The following PDE6A variants were observed in gnomAD, a reference collection of about 807,000 sequenced individuals.
PDE6A encodes rod cGMP-specific 3',5'-cyclic phosphodiesterase subunit alpha.
In PDE6A, 84 loss-of-function variants were observed where a neutral mutation model predicts 106.3. The observed-to-expected ratio is 0.79, with a 90% confidence interval of 0.66 to 0.95. The LOEUF (loss-of-function observed/expected upper bound fraction) is 0.95, where lower values mean the gene tolerates loss of function less well. Among genes scored for constraint, PDE6A ranks in the 40% least tolerant of loss-of-function variants. The pLI is 0.00. For missense variants in PDE6A, 1,052 were observed against 1,084.9 expected, an observed-to-expected ratio of 0.97 and a Z score of 0.43; for synonymous variants, 394 against 386.6, an observed-to-expected ratio of 1.02 and a Z score of -0.23.
At position 149,884,511 on chromosome 5, in the gene PDE6A, T is replaced by G. The variant is rs762633994; in HGVS notation, c.1995A>C (p.Ala665=). The G allele has an allele frequency of 6.2e-7, 1 of 1,613,596 alleles. No individual in the cohort carries two copies. The highest frequency in any genetic ancestry group is 8.5e-7 in the Non-Finnish European group (1 of 1,179,554). Residue 665 remains alanine, a synonymous_variant, in exon 16 of 22, where the codon GCA becomes GCC. Transcript: ENST00000255266. ...ACAGGGCGAGGTCTGTGGCAATGAT[T>G]GCAATGTCCATCATGTGGATGGCAT... ...HEHAIHMMDI[A]IIATDLALYF... is the part of the protein sequence containing the mutation.
At position 149,907,299 on chromosome 5, in the gene PDE6A, TTA is replaced by T; in HGVS notation, c.1065+11_1065+12del. ...GATCCAAAACTCTCCCCCTTCAAAG[TTA>T]TATTACTTACCAGGCCATTCTGGGC... On this transcript the variant is annotated intron_variant, in intron 7 of 21. Coordinates refer to ENST00000255266, the MANE Select transcript of PDE6A (RefSeq NM_000440.3). 1 of 1,599,898 alleles carries T rather than the reference TTA, an allele frequency of 6.3e-7. No homozygotes were observed. Among genetic ancestry groups the T allele is most frequent in the Non-Finnish European group, 8.6e-7 (1 of 1,167,098 alleles).
Position 149,901,267 on chromosome 5 carries a change from G to A in PDE6A, c.1114-1743C>T, listed in dbSNP as rs987268074. ...TCAGGGGCTGGGCGCAGTGGCTCACGCCTGTAATCCCAGCACTTTGGGAGG... is the reference window on the plus strand; with the variant it reads ...TCAGGGGCTGGGCGCAGTGGCTCACACCTGTAATCCCAGCACTTTGGGAGG... On this transcript the variant is annotated intron_variant, in intron 8 of 21. Coordinates refer to ENST00000255266, the MANE Select transcript of PDE6A (RefSeq NM_000440.3). Among the ~76,000 whole-genome samples, 23 of 152,218 alleles carry A rather than the reference G, an allele frequency of 1.5e-4. No individual in the cohort carries two copies. The East Asian group carries it at 2.7e-3, about 18-fold the overall frequency.
intron 19 of PDE6A, chr5:149,866,456 C>A: frequency 5.4e-5 from 28 of 517,394 alleles, no homozygotes; most frequent in Middle Eastern, 5.3e-4. Flanking sequence ...TGGGAAACTG[C>A]ACAAAAAAAA....
intron 1 of PDE6A, among the ~76,000 whole-genome samples, chr5:149,937,538 C>T (rs1167992214): frequency 2.0e-5 from 3 of 152,024 alleles, no homozygotes; most frequent in Non-Finnish European, 2.9e-5. Context: ...CCACCATGCC[C>T]GACTAATTTT....
rs532861991 is a variant in PDE6A at position 149,859,005 on chromosome 5, A to C, written c.*1890T>G. The C allele has an allele frequency of 6.6e-6, 1 of 151,738 alleles. No homozygotes were observed. Among genetic ancestry groups the C allele is most frequent in the East Asian group, 2.0e-4 (1 of 5,118 alleles). 9.4% of individuals were successfully genotyped at this position (151,738 alleles called of 1,614,324 possible). A position where few individuals can be genotyped will look rare whatever the true frequency, so the allele number is the denominator to read the frequency against. On this transcript the variant is annotated 3_prime_UTR_variant, in exon 22 of 22. Transcript: ENST00000255266. Reference sequence around the variant, plus strand: ...ACACCCAGCTAATTTTTGTATTTTTAGTAGAGATGGGGTTTCACCATGTTG... The same window carrying C: ...ACACCCAGCTAATTTTTGTATTTTTCGTAGAGATGGGGTTTCACCATGTTG...
intron 4 of PDE6A, among the ~76,000 whole-genome samples, chr5:149,930,074 TA>T (rs1753987378): frequency 6.6e-6 from 1 of 152,170 alleles, no homozygotes; most frequent in African/African-American, 2.4e-5. Flanking sequence ...TGTTTCAATA[TA>T]AAGGCTCATT....
At chr5:149,905,691 G>A (rs1488186958) in intron 7 of PDE6A, among the ~76,000 whole-genome samples, 2 of 152,136 alleles carry the variant, frequency 1.3e-5, no homozygotes, top group Non-Finnish European at 2.9e-5. Flanking sequence ...CTGACTCATG[G>A]TAAGCACCCA....
intron 1 of PDE6A, among the ~76,000 whole-genome samples, chr5:149,936,158 AAAGGAAGGAAGGAAGGAAGG>A (rs151028032): frequency 7.7e-6 from 1 of 130,634 alleles, no homozygotes; most frequent in African/African-American, 3.2e-5. Flanking sequence ...TGTCTCTAAA[AAAGGAAGGAAGGAAGGAAGG>A]AAGGAAGGAA....
At position 149,886,418 on chromosome 5, in the gene PDE6A, G is replaced by T. The variant is rs778045905; in HGVS notation, c.1729-44C>A. ...TGCAAATCATTCCTTTTGTGTAGGGGCTGGAAGCAGGGCTGAAAAGGCGGG... is the reference window on the plus strand; with the variant it reads ...TGCAAATCATTCCTTTTGTGTAGGGTCTGGAAGCAGGGCTGAAAAGGCGGG... On this transcript the variant is annotated intron_variant, in intron 13 of 21. Coordinates refer to ENST00000255266, the MANE Select transcript of PDE6A (RefSeq NM_000440.3). 4.1e-6 allele frequency: 6 copies of T among 1,457,728 alleles called. No homozygotes were observed. The Admixed American group carries it at 1.0e-4, about 25-fold the overall frequency. The allele number at this position is 1,457,728 out of a possible 1,614,324, so 90.3% of individuals were successfully genotyped here. A position where few individuals can be genotyped will look rare whatever the true frequency, so the allele number is the denominator to read the frequency against.
In PDE6A at chr5:149,944,355, C is replaced by A; in HGVS notation, c.319G>T (p.Glu107Ter). The change falls in exon 1 of 22, where the codon GAG (glutamate) becomes TAG (stop). Residue 107 changes from glutamate to a stop codon, truncating the protein, a stop_gained. Coordinates refer to ENST00000255266, the MANE Select transcript of PDE6A (RefSeq NM_000440.3). LOFTEE classifies it high-confidence loss of function. ...FMYRTRNGIAELATRLFNVHK... is the reference protein window; with the variant it reads ...FMYRTRNGIA ...ACATTGAAAAGCCTGGTGGCCAGCT[C>A]TGCGATGCCATTGCGGGTCCGGTAC... The A allele has an allele frequency of 1.2e-6, 2 of 1,614,140 alleles. No homozygotes were observed. Among genetic ancestry groups the A allele is most frequent in the South Asian group, 2.2e-5 (2 of 91,072 alleles).
intron 5 of PDE6A, among the ~76,000 whole-genome samples, chr5:149,917,664 G>C (rs917954324): frequency 1.3e-5 from 2 of 152,150 alleles, no homozygotes; most frequent in African/African-American, 2.4e-5. Context: ...GCATCCAAGG[G>C]GAGACTAGAT....
intron 11 of PDE6A, 49 bp from the exon 12 acceptor site, chr5:149,896,551 G>A (rs757311626): frequency 6.2e-7 from 1 of 1,614,000 alleles, no homozygotes; most frequent in South Asian, 1.1e-5. Context: ...AGTGTTTCTG[G>A]GTGCCCACCT....
chr5:149,875,920 T>TC (rs1760722125), intron 17 of PDE6A, among the ~76,000 whole-genome samples: 1 of 152,114 alleles, frequency 6.6e-6, no homozygotes, highest in African/African-American at 2.4e-5. Flanking sequence ...CCACTTGACT[T>TC]CCCCACAGAA....
At chr5:149,927,256 C>G (rs143253240) in intron 4 of PDE6A, among the ~76,000 whole-genome samples, 238 of 152,128 alleles carry the variant, frequency 1.6e-3, no homozygotes, top group African/African-American at 5.5e-3. Context: ...ATGAATGGAG[C>G]CTGCGGGACT....
At chr5:149,881,599 G>A (rs1381394945) in intron 17 of PDE6A, among the ~76,000 whole-genome samples, 1 of 152,158 alleles carries the variant, frequency 6.6e-6, no homozygotes, top group African/African-American at 2.4e-5. Context: ...CTACACAAGG[G>A]GAGACGGAGG....
In PDE6A at chr5:149,867,589, AT is replaced by A. The variant is rs902678426; in HGVS notation, c.2274+135del. 8.6e-6 allele frequency: 7 copies of A among 810,540 alleles called. No homozygotes were observed. In the African/African-American group the frequency reaches 1.0e-4, roughly 12 times the overall value. The allele number at this position is 810,540 out of a possible 1,614,324, so 50.2% of individuals were successfully genotyped here. A position where few individuals can be genotyped will look rare whatever the true frequency, so the allele number is the denominator to read the frequency against. On this transcript the variant is annotated intron_variant, in intron 19 of 21. Coordinates refer to ENST00000255266, the MANE Select transcript of PDE6A (RefSeq NM_000440.3). ...AGGTTGACAGTGGCCTGGAGACCAC[AT>A]TTTTAGAACCACTGCATTAGGAAAA...
chr5:149,940,100 T>C (rs1754288631), intron 1 of PDE6A: 1 of 152,260 alleles, frequency 6.6e-6, no homozygotes, highest in South Asian at 2.1e-4. Context: ...TGTGATCAAT[T>C]AGTTATAAAC....
intron 5 of PDE6A, among the ~76,000 whole-genome samples, chr5:149,918,665 G>A (rs188680194): frequency 7.9e-5 from 12 of 152,168 alleles, no homozygotes; most frequent in African/African-American, 2.6e-4. Context: ...AGGCTGGAGT[G>A]CAGTGGCACA....
intron 1 of PDE6A, chr5:149,940,262 G>T (rs914670840): frequency 6.6e-6 from 1 of 152,210 alleles, no homozygotes; most frequent in Non-Finnish European, 1.5e-5. Context: ...AACGAGTGAG[G>T]CAATCCTTGT....
Sources: allele counts gnomAD v4.1 joint callset (sites outside exome capture counted in the v4.1 genomes callset), GRCh38; gene constraint gnomAD v4.1.1; transcripts MANE v1.5; gene names NCBI Gene and HGNC (gene_info 2026-07-23, HGNC 2026-07-21).